Variants in LMNB2 observed in about 807,000 individuals in gnomAD.
LMNB2 encodes the protein lamin-B2.
In LMNB2, 17 loss-of-function variants were observed where a neutral mutation model predicts 69.3. The observed-to-expected ratio is 0.25, with a 90% CI of 0.17 to 0.37. The LOEUF is 0.37. LMNB2 is among the 10% of genes least tolerant of loss of function. LMNB2 has a pLI of 1.00. For synonymous variants in LMNB2, 397 were observed against 389.3 expected (o/e 1.02, Z -0.23); for missense variants, 789 against 883.6 (o/e 0.89, Z 1.36).
In LMNB2 at chr19:2,430,651, C is replaced by G; in HGVS notation, c.*260G>C. ...TCTTCTAAACCTCCGGGTCCTGGCCCTGGGCTTCCAATTTGACCAAATGGT... is the reference window on the plus strand; with the variant it reads ...TCTTCTAAACCTCCGGGTCCTGGCCGTGGGCTTCCAATTTGACCAAATGGT... On this transcript the variant is annotated 3_prime_UTR_variant, in exon 12 of 12. Coordinates refer to ENST00000325327, the MANE Select transcript of LMNB2 (RefSeq NM_032737.4). 2 of 567,046 alleles carry G rather than the reference C, an allele frequency of 3.5e-6. No individual in the cohort carries two copies. Among genetic ancestry groups the G allele is most frequent in the Middle Eastern group, 4.7e-4 (1 of 2,144 alleles). 35.1% of individuals were successfully genotyped at this position (567,046 alleles called of 1,614,324 possible). A position where few individuals can be genotyped will look rare whatever the true frequency, so the allele number is the denominator to read the frequency against.
chr19:2,435,719 G>A (rs1373012780), intron 4 of LMNB2, among the ~76,000 whole-genome samples: 1 of 152,162 alleles, frequency 6.6e-6, no homozygotes, highest in Admixed American at 6.5e-5. Flanking sequence ...AGCTACTCAG[G>A]AGGCTGAGAC....
At position 2,453,471 on chromosome 19, in the gene LMNB2, C is replaced by A. The variant is rs1173716867; in HGVS notation, c.264+3199G>T. On this transcript the variant is annotated intron_variant, in intron 1 of 11. Transcript: ENST00000325327. The surrounding 1 kb of genome is among the most constrained non-coding windows in gnomAD (Gnocchi z 4.4). ...ATGACGTCCCCCCACCAGCGGCCCC[C>A]ACCCCAGCAGGCTTCCAACTCTGCT... Among the ~76,000 whole-genome samples, 1 of 152,056 alleles carries A rather than the reference C, an allele frequency of 6.6e-6. No individual in the cohort carries two copies. Among genetic ancestry groups the A allele is most frequent in the Admixed American group, 6.5e-5 (1 of 15,272 alleles).
chr19:2,455,668 A>G (rs1972078606), intron 1 of LMNB2, among the ~76,000 whole-genome samples: 1 of 152,050 alleles, frequency 6.6e-6, no homozygotes, highest in Admixed American at 6.5e-5. Context: ...CCTGGTCTGC[A>G]CTTTTCACTC....
intron 6 of LMNB2, 109 bp downstream of exon 6, chr19:2,434,679 G>C (rs200317330): frequency 6.6e-7 from 1 of 1,511,684 alleles, no homozygotes; most frequent in East Asian, 2.5e-5. Flanking sequence ...TGGGCGCCCC[G>C]AGGGCTGCAT....
At chr19:2,441,947 G>A (rs989311802) in intron 2 of LMNB2, among the ~76,000 whole-genome samples, 7 of 152,222 alleles carry the variant, frequency 4.6e-5, no homozygotes, top group Admixed American at 2.6e-4. Flanking sequence ...TCAGCAACTC[G>A]GTCTAAACCA....
At position 2,434,278 on chromosome 19, in the gene LMNB2, C is replaced by A; in HGVS notation, c.1202+17G>T. ...TCCTCCTCACTCTGTGCTCCCAAGC[C>A]TCCTGGCCTGCCGCACCTCTCCTCC... On this transcript the variant is annotated intron_variant, in intron 7 of 11. Transcript: ENST00000325327. 6.2e-7 allele frequency: 1 copy of A among 1,611,534 alleles called. No homozygotes were observed. Among genetic ancestry groups the A allele is most frequent in the Non-Finnish European group, 8.5e-7 (1 of 1,179,456 alleles).
Position 2,447,128 on chromosome 19 carries a change from A to G in LMNB2, c.265-2588T>C, listed in dbSNP as rs1254683749. 6.6e-6 allele frequency among the ~76,000 whole-genome samples: 1 copy of G among 152,118 alleles called. No homozygotes were observed. The highest frequency in any genetic ancestry group is 6.5e-5 in the Admixed American group (1 of 15,280). The stretch of plus-strand genomic sequence containing the variant: ...CACTGCCCTCCAGCCTGGGAGACAG[A>G]GCGAGACTCAGTTTCAAAATAAATA... On this transcript the variant is annotated intron_variant, in intron 1 of 11. Transcript: ENST00000325327. The surrounding 1 kb of genome is among the most constrained non-coding windows in gnomAD (Gnocchi z 4.4).
rs1972045391 is a variant in LMNB2, at chr19:2,453,020, AT to A, written c.264+3649del. On this transcript the variant is annotated intron_variant, in intron 1 of 11. Transcript: ENST00000325327. This position sits in a 1 kb window ranked among gnomAD's most constrained non-coding sequence, Gnocchi z 4.4. The stretch of plus-strand genomic sequence containing the variant: ...GGGTCATCCTAATGGGGGCTGGGTC[AT>A]CCTCGTGGGGGCTGGGTCATCCTCG... Among the ~76,000 whole-genome samples the A allele has an allele frequency of 2.9e-5, 2 of 69,926 alleles. No homozygotes were observed. Among genetic ancestry groups the A allele is most frequent in the Non-Finnish European group, 5.5e-5 (2 of 36,132 alleles). The allele number at this position is 69,926 out of a possible 152,430, so 45.9% of individuals were successfully genotyped here. A position where few individuals can be genotyped will look rare whatever the true frequency, so the allele number is the denominator to read the frequency against.
At position 2,430,468 on chromosome 19, in the gene LMNB2, C is replaced by A; in HGVS notation, c.*443G>T. The A allele has an allele frequency of 3.5e-6, 1 of 287,122 alleles. No homozygotes were observed. The allele number at this position is 287,122 out of a possible 1,614,324, so 17.8% of individuals were successfully genotyped here. The stretch of plus-strand genomic sequence containing the variant: ...AATGCAGGCTTGGCCCCGGGCCCCA[C>A]CAGGTCGACGCCTGGATTCTGAATT... On this transcript the variant is annotated 3_prime_UTR_variant, in exon 12 of 12. Coordinates refer to ENST00000325327, the MANE Select transcript of LMNB2 (RefSeq NM_032737.4).
In LMNB2 at chr19:2,434,038, T is replaced by G; in HGVS notation, c.1270A>C (p.Ser424Arg). 6.2e-7 allele frequency: 1 copy of G among 1,602,506 alleles called. No individual in the cohort carries two copies. The highest frequency in any genetic ancestry group is 8.5e-7 in the Non-Finnish European group (1 of 1,175,894). The change falls in exon 8 of 12, where the codon AGC becomes CGC. Residue 424 changes from serine (S) to arginine (R), a missense_variant. Coordinates refer to ENST00000325327, the MANE Select transcript of LMNB2 (RefSeq NM_032737.4). ...CCCAGGCGCCCGGTGGCGGACAAGC[T>G]GCCGCTGCTGCTCGAGGTGGCTCGT... ...VSRATSSSSGSLSATGRLGRS... is the reference protein window; with the variant it reads ...VSRATSSSSGRLSATGRLGRS...
At chr19:2,445,294 T>C (rs1294987788) in intron 1 of LMNB2, among the ~76,000 whole-genome samples, 1 of 134,876 alleles carries the variant, frequency 7.4e-6, no homozygotes, top group Non-Finnish European at 1.6e-5. Context: ...GATCCCCCAC[T>C]TCTGCCAACC....
At chr19:2,444,968 G>C (rs1052984808) in intron 1 of LMNB2, among the ~76,000 whole-genome samples, 1 of 152,230 alleles carries the variant, frequency 6.6e-6, no homozygotes, top group African/African-American at 2.4e-5. Flanking sequence ...CAGCCCCTTG[G>C]CCGCTGTCAT....
rs200879771 is a variant in LMNB2 at position 2,433,901 on chromosome 19, C to T, written c.1407G>A (p.Ser469=). Residue 469 remains serine (S), a synonymous_variant, in exon 8 of 12, where the codon TCG becomes TCA. Transcript: ENST00000325327. ...CCTCGATGCTGACGCTACCCGAGGCCGAGGCCTGCTGGGCCAGGTGGAAGC... is the reference window on the plus strand; with the variant it reads ...CCTCGATGCTGACGCTACCCGAGGCTGAGGCCTGCTGGGCCAGGTGGAAGC... ...SGGFHLAQQA[S]ASGSVSIEEI... 165 of 1,612,406 alleles carry T rather than the reference C, an allele frequency of 1.0e-4. No individual in the cohort carries two copies. The highest frequency in any genetic ancestry group is 4.0e-5 in the African/African-American group (3 of 75,006).
rs750695177 is a variant in LMNB2 at position 2,432,442 on chromosome 19, T to C, written c.1564A>G (p.Ile522Val). The C allele has an allele frequency of 1.2e-6, 2 of 1,612,972 alleles. No homozygotes were observed. The highest frequency in any genetic ancestry group is 1.7e-6 in the Non-Finnish European group (2 of 1,179,740). Reference sequence around the variant, plus strand: ...GTGACCATCTGGCCGGCGCGCAGGATGTACTTGGGCGTGAACTTGTAGGCG... The same window carrying C: ...GTGACCATCTGGCCGGCGCGCAGGACGTACTTGGGCGTGAACTTGTAGGCG... The part of the protein sequence containing the change: ...EIAYKFTPKY[I>V]LRAGQMVTVW... The change falls in exon 9 of 12, where the codon ATC becomes GTC. Residue 522 changes from isoleucine (I) to valine (V), a missense_variant. Transcript: ENST00000325327.
chr19:2,436,574 C>T (rs544260330), intron 4 of LMNB2, among the ~76,000 whole-genome samples: 7 of 148,814 alleles, frequency 4.7e-5, no homozygotes, highest in South Asian at 4.3e-4. Context: ...CCCGCCTTCA[C>T]GGCTGCGCAC....
Position 2,430,944 on chromosome 19 carries a change from C to A in LMNB2, c.1830G>T (p.Pro610=), listed in dbSNP as rs748782215. Residue 610 remains proline, a synonymous_variant, in exon 12 of 12, where the codon CCG becomes CCT. Coordinates refer to ENST00000325327, the MANE Select transcript of LMNB2 (RefSeq NM_032737.4). ...CGTAGCAGCCTCTTGAGGTGGTCCT[C>A]GGGTCCCCCTGCAGGAAGGAAGGAA... is the stretch of plus-strand genomic sequence containing the variant. The part of the protein sequence containing the change: ...EEDLFHQQGD[P]RTTSRGCYVM 6.8e-6 allele frequency: 11 copies of A among 1,609,540 alleles called. No homozygotes were observed. The Admixed American group carries it at 1.5e-4, about 22-fold the overall frequency.
chr19:2,441,254 G>A lies in LMNB2; in HGVS notation c.402-2723C>T, dbSNP rs1051604815. 3.9e-5 allele frequency among the ~76,000 whole-genome samples: 6 copies of A among 152,380 alleles called. No homozygotes were observed. The Middle Eastern group carries it at 0.01, about 259-fold the overall frequency. On this transcript the variant is annotated intron_variant, in intron 2 of 11. Transcript: ENST00000325327. ...TACCCTGAATCCCGGGTCTGGCTCC[G>A]GTTGTGTCCCGCCAGGGCAGGGCGG...
intron 1 of LMNB2, among the ~76,000 whole-genome samples, chr19:2,454,474 A>C (rs919163791): frequency 6.6e-6 from 1 of 151,998 alleles, no homozygotes; most frequent in Non-Finnish European, 1.5e-5. Context: ...ACACACAAGT[A>C]AGAGGTGGGT....
chr19:2,445,930 T>C (rs1458978763), intron 1 of LMNB2, among the ~76,000 whole-genome samples: 2 of 24,378 alleles, frequency 8.2e-5, no homozygotes, highest in Non-Finnish European at 1.4e-4. Context: ...AGTCCCCAGC[T>C]GCCCCCCCCA....
Sources: allele counts gnomAD v4.1 joint callset (sites outside exome capture counted in the v4.1 genomes callset), GRCh38; gene constraint gnomAD v4.1.1; non-coding constraint Gnocchi (gnomAD v3.1); transcripts MANE v1.5; gene names NCBI Gene and HGNC (gene_info 2026-07-23, HGNC 2026-07-21).